The following CNKSR3 variants were observed in gnomAD, a reference collection of about 807,000 sequenced individuals.
CNKSR3 encodes connector enhancer of kinase suppressor of ras 3.
In CNKSR3, 36 loss-of-function variants were observed where a neutral mutation model predicts 67.7. The observed-to-expected ratio is 0.53, with a 90% CI of 0.41 to 0.70. The LOEUF is 0.70. Ranked by LOEUF, CNKSR3 falls within the 30% of genes least tolerant of loss-of-function variation. The probability of loss-of-function intolerance (pLI) is 0.00; values close to 1 mark genes in which losing one functional copy is unlikely to be tolerated. For missense variants in CNKSR3, 630 were observed against 695.2 expected (o/e 0.91, Z 1.05); for synonymous variants, 281 against 271.4 (o/e 1.04, Z -0.35).
chr6:154,413,228 TG>T (rs1374356831), intron 10 of CNKSR3, among the ~76,000 whole-genome samples: 3 of 152,060 alleles, frequency 2.0e-5, no homozygotes, highest in Admixed American at 1.3e-4. Context: ...TTCTGTTTTT[TG>T]TTTTTTTGTT....
intron 1 of CNKSR3, among the ~76,000 whole-genome samples, chr6:154,456,907 C>T (rs554827944): frequency 4.6e-5 from 7 of 151,996 alleles, no homozygotes; most frequent in African/African-American, 1.2e-4. Flanking sequence ...ACAAAGGAGA[C>T]GGGGTTCAGG....
At chr6:154,489,531 A>AAAACAAACAAAC (rs34366789) in intron 1 of CNKSR3, among the ~76,000 whole-genome samples, 34 of 150,944 alleles carry the variant, frequency 2.3e-4, no homozygotes, top group Admixed American at 1.9e-3. Context: ...AGTCCATCTC[A>AAAACAAACAAAC]AAACAAACAA....
intron 12 of CNKSR3, among the ~76,000 whole-genome samples, chr6:154,408,686 T>C (rs1441510192): frequency 1.3e-5 from 2 of 152,164 alleles, no homozygotes; most frequent in Non-Finnish European, 1.5e-5. Flanking sequence ...GTGACAAAAA[T>C]GTTCTGGAAT....
chr6:154,483,097 T>C (rs886441232), intron 1 of CNKSR3, among the ~76,000 whole-genome samples: 2 of 152,210 alleles, frequency 1.3e-5, no homozygotes, highest in Non-Finnish European at 2.9e-5. Flanking sequence ...CAGTGGCATC[T>C]TGGACGAAGG....
intron 1 of CNKSR3, among the ~76,000 whole-genome samples, chr6:154,472,879 C>A (rs1786361908): frequency 6.6e-6 from 1 of 151,828 alleles, no homozygotes; most frequent in East Asian, 1.9e-4. Context: ...GAGTTCCCTG[C>A]TAACTGACTA....
intron 1 of CNKSR3, among the ~76,000 whole-genome samples, chr6:154,470,716 T>C (rs1016452843): frequency 6.6e-6 from 1 of 152,206 alleles, no homozygotes; most frequent in Non-Finnish European, 1.5e-5. Context: ...TTCCTCTTTT[T>C]GGCTATTATA....
chr6:154,471,792 A>G (rs1178338838), intron 1 of CNKSR3, among the ~76,000 whole-genome samples: 1 of 152,110 alleles, frequency 6.6e-6, no homozygotes. Flanking sequence ...TTACTATCCC[A>G]GGCACCTCAC....
chr6:154,433,686 C>T (rs912860785), intron 4 of CNKSR3, 179 bp from the exon 5 acceptor site: 6 of 573,384 alleles, frequency 1.0e-5, no homozygotes, highest in Non-Finnish European at 1.9e-5. Flanking sequence ...ACAGAGCTGA[C>T]GTTTGCACCT....
At chr6:154,475,882 C>T (rs1562350295) in intron 1 of CNKSR3, among the ~76,000 whole-genome samples, 1 of 152,072 alleles carries the variant, frequency 6.6e-6, no homozygotes, top group Non-Finnish European at 1.5e-5. Flanking sequence ...ATAAAAAAAC[C>T]TTAAGTACAG....
At chr6:154,448,153 A>G (rs772509010) in intron 2 of CNKSR3, among the ~76,000 whole-genome samples, 6 of 152,116 alleles carry the variant, frequency 3.9e-5, no homozygotes, top group Non-Finnish European at 7.4e-5. Context: ...GCATTTGTCC[A>G]GCTTTGTTCA....
intron 2 of CNKSR3, among the ~76,000 whole-genome samples, chr6:154,446,036 T>A (rs1785700259): frequency 6.6e-6 from 1 of 152,188 alleles, no homozygotes; most frequent in Non-Finnish European, 1.5e-5. Flanking sequence ...ACCAGTCTTT[T>A]CCCCAAAACT....
intron 11 of CNKSR3, 114 bp from the exon 12 acceptor site, chr6:154,410,546 C>A: frequency 1.5e-6 from 1 of 659,326 alleles, no homozygotes; most frequent in Non-Finnish European, 2.7e-6. Context: ...TAGACAGAAG[C>A]AATAACAAAT....
At position 154,402,439 on chromosome 6, in the gene CNKSR3, A is replaced by G. The variant is rs1784729033; in HGVS notation, c.*3915T>C. 6.6e-6 allele frequency: 1 copy of G among 152,232 alleles called. No individual in the cohort carries two copies. 9.4% of individuals were successfully genotyped at this position (152,232 alleles called of 1,614,324 possible). Reference sequence around the variant, plus strand: ...TATGCTTTGGATTTTTCAAGAATGCAATGAGAGAATTCTATAAATGGAAGG... The same window carrying G: ...TATGCTTTGGATTTTTCAAGAATGCGATGAGAGAATTCTATAAATGGAAGG... On this transcript the variant is annotated 3_prime_UTR_variant, in exon 13 of 13. Transcript: ENST00000607772.
intron 9 of CNKSR3, among the ~76,000 whole-genome samples, chr6:154,421,074 C>T (rs780035028): frequency 1.3e-5 from 2 of 152,150 alleles, no homozygotes; most frequent in Admixed American, 6.5e-5. Flanking sequence ...AGTGTAGTGC[C>T]GCGATCTCAG....
intron 1 of CNKSR3, among the ~76,000 whole-genome samples, chr6:154,458,283 G>A (rs1251882196): frequency 6.6e-6 from 1 of 152,116 alleles, no homozygotes; most frequent in Admixed American, 6.5e-5. Context: ...AAGGGAATGT[G>A]AGTTTTTCTT....
At chr6:154,430,387 T>C (rs1428394935) in intron 6 of CNKSR3, 85 bp downstream of exon 6, 10 of 1,259,464 alleles carry the variant, frequency 7.9e-6, no homozygotes, top group Non-Finnish European at 8.8e-6. Context: ...AGAATTATAG[T>C]GAAAGCAATA....
chr6:154,479,597 C>A (rs1205503388), intron 1 of CNKSR3, among the ~76,000 whole-genome samples: 2 of 152,102 alleles, frequency 1.3e-5, no homozygotes, highest in Non-Finnish European at 2.9e-5. Flanking sequence ...ATGAGTCAAC[C>A]AAGGACTGAC....
At chr6:154,476,148 CT>C (rs1419936023) in intron 1 of CNKSR3, among the ~76,000 whole-genome samples, 1 of 152,086 alleles carries the variant, frequency 6.6e-6, no homozygotes, top group Non-Finnish European at 1.5e-5. Context: ...ATTCGCTTGA[CT>C]TAAGGCCTTC....
rs1353929314 is a variant in CNKSR3, at chr6:154,400,776, T to G, written c.*5578A>C. On this transcript the variant is annotated 3_prime_UTR_variant, in exon 13 of 13. Coordinates refer to ENST00000607772, the MANE Select transcript of CNKSR3 (RefSeq NM_173515.4). ...TCCTTTACTTATGTAAAAGGTACCCTTTGTCAAATTAGCACACTTCTGGCA... is the reference window on the plus strand; with the variant it reads ...TCCTTTACTTATGTAAAAGGTACCCGTTGTCAAATTAGCACACTTCTGGCA... 2 of 152,326 alleles carry G rather than the reference T, an allele frequency of 1.3e-5. No individual in the cohort carries two copies. The highest frequency in any genetic ancestry group is 3.9e-4 in the East Asian group (2 of 5,184). 9.4% of individuals were successfully genotyped at this position (152,326 alleles called of 1,614,324 possible).
Sources: allele counts gnomAD v4.1 joint callset (sites outside exome capture counted in the v4.1 genomes callset), GRCh38; gene constraint gnomAD v4.1.1; transcripts MANE v1.5; gene names NCBI Gene and HGNC (gene_info 2026-07-23, HGNC 2026-07-21).